Variants in EYS observed in about 807,000 individuals in gnomAD.
EYS encodes EGF-like photoreceptor maintenance factor, also known as protein eyes shut homolog.
In EYS, 250 loss-of-function variants were observed where a neutral mutation model predicts 282.1. That is an observed-to-expected ratio of 0.89 (90% CI 0.80 to 0.98). The LOEUF (loss-of-function observed/expected upper bound fraction) is 0.98, where lower values mean the gene tolerates loss of function less well. Ranked by LOEUF, EYS falls within the 50% of genes least tolerant of loss-of-function variation. The probability of loss-of-function intolerance (pLI) is 0.00; values close to 1 mark genes in which losing one functional copy is unlikely to be tolerated. For missense variants in EYS, 4,016 were observed against 3,709.0 expected (o/e 1.08, Z -2.15); for synonymous variants, 1,355 against 1,282.9 (o/e 1.06, Z -1.20).
At chr6:65,298,081 C>T (rs1768715642) in intron 11 of EYS, among the ~76,000 whole-genome samples, 1 of 152,026 alleles carries the variant, frequency 6.6e-6, no homozygotes, top group Non-Finnish European at 1.5e-5. Context: ...CCTAAATGAA[C>T]AGGATATCCT....
At chr6:63,986,200 T>A (rs1418516055) in intron 34 of EYS, among the ~76,000 whole-genome samples, 6 of 151,600 alleles carry the variant, frequency 4.0e-5, no homozygotes, top group Non-Finnish European at 8.8e-5. Context: ...ATTAGAGAAA[T>A]GCAAATCAAA....
intron 22 of EYS, among the ~76,000 whole-genome samples, chr6:64,758,711 C>A (rs1773058315): frequency 1.3e-5 from 2 of 152,178 alleles, no homozygotes; most frequent in African/African-American, 2.4e-5. Context: ...TTCATCAACA[C>A]CCAGCTAGGA....
At chr6:65,357,865 T>A (rs1473693920) in intron 8 of EYS, among the ~76,000 whole-genome samples, 1 of 151,922 alleles carries the variant, frequency 6.6e-6, no homozygotes, top group Non-Finnish European at 1.5e-5. Context: ...AAACACTATT[T>A]TTTTTCGTTT....
Position 63,721,579 on chromosome 6 carries a change from T to A in EYS, c.8452A>T (p.Asn2818Tyr). 1 of 1,551,770 alleles carries A rather than the reference T, an allele frequency of 6.4e-7. No individual in the cohort carries two copies. Among genetic ancestry groups the A allele is most frequent in the Non-Finnish European group, 8.7e-7 (1 of 1,146,860 alleles). ...ASTKMSSLDTNTDFYIGGVSS... is the reference protein window; with the variant it reads ...ASTKMSSLDTYTDFYIGGVSS... Reference sequence around the variant, plus strand: ...ACTCCTCCAATATAGAAGTCTGTATTTGTGTCCAGAGAACTCATTTTAGTG... The same window carrying A: ...ACTCCTCCAATATAGAAGTCTGTATATGTGTCCAGAGAACTCATTTTAGTG... Residue 2818 changes from asparagine to tyrosine, a missense_variant, in exon 43 of 43, where the codon AAT becomes TAT. Physicochemically the swap from Asn to Tyr is moderately radical, Grantham distance 143 (BLOSUM62 -2). Coordinates refer to ENST00000503581, the MANE Select transcript of EYS (RefSeq NM_001142800.2).
intron 1 of EYS, among the ~76,000 whole-genome samples, chr6:65,666,911 A>T (rs957138574): frequency 6.6e-6 from 1 of 150,720 alleles, no homozygotes; most frequent in African/African-American, 2.4e-5. Context: ...AAAAATACAT[A>T]AAAAATATAA....
intron 22 of EYS, among the ~76,000 whole-genome samples, chr6:64,684,645 A>G (rs1036392716): frequency 6.6e-6 from 1 of 152,166 alleles, no homozygotes; most frequent in East Asian, 1.9e-4. Flanking sequence ...ACACATATAC[A>G]CTATAACATA....
rs561593115 is a variant in EYS at position 65,056,367 on chromosome 6, A to G, written c.2137+1247T>C. 2.0e-5 allele frequency among the ~76,000 whole-genome samples: 3 copies of G among 152,190 alleles called. No homozygotes were observed. In the East Asian group the frequency reaches 5.8e-4, roughly 30 times the overall value. On this transcript the variant is annotated intron_variant, in intron 13 of 42. Coordinates refer to ENST00000503581, the MANE Select transcript of EYS (RefSeq NM_001142800.2). ...GAAAATCCAAAATCTGGGCAGTAGA[A>G]AAACAGCTATTTTTTAAATGAAGTC...
chr6:64,198,428 T>C (rs1192134931), intron 31 of EYS, among the ~76,000 whole-genome samples: 1 of 152,142 alleles, frequency 6.6e-6, no homozygotes. Flanking sequence ...CATGTAGGTC[T>C]TAAGTCCCAC....
intron 2 of EYS, among the ~76,000 whole-genome samples, chr6:65,616,528 C>T (rs542861252): frequency 1.8e-4 from 28 of 152,214 alleles, no homozygotes; most frequent in African/African-American, 6.7e-4. Context: ...TGGATCACAC[C>T]TGTAATCCTA....
intron 29 of EYS, among the ~76,000 whole-genome samples, chr6:64,357,153 G>A (rs1287576573): frequency 1.3e-5 from 2 of 151,600 alleles, no homozygotes; most frequent in Non-Finnish European, 3.0e-5. Context: ...ATTAAAATAT[G>A]TAGTGAAAAA....
At chr6:64,518,598 A>G (rs1777633832) in intron 26 of EYS, among the ~76,000 whole-genome samples, 1 of 151,714 alleles carries the variant, frequency 6.6e-6, no homozygotes, top group Non-Finnish European at 1.5e-5. Context: ...GTCGCTATTG[A>G]CCCGACGGGA....
rs540111319 is a variant in EYS, at chr6:63,774,202, C to T, written c.7898+3804G>A. ...TTTTTTTTTCAGATGGAGTTCCCCT[C>T]TTGTCATCCAGGCTGGAGTGCAGTG... On this transcript the variant is annotated intron_variant, in intron 40 of 42. Transcript: ENST00000503581. 5.3e-5 allele frequency among the ~76,000 whole-genome samples: 8 copies of T among 151,506 alleles called. 2 individuals carry two copies. The highest frequency in any genetic ancestry group is 1.7e-4 in the African/African-American group (7 of 41,274).
chr6:64,592,819 C>G (rs1766453413), intron 25 of EYS, among the ~76,000 whole-genome samples: 1 of 152,054 alleles, frequency 6.6e-6, no homozygotes, highest in African/African-American at 2.4e-5. Flanking sequence ...GCAAGTAGCA[C>G]AAGGCCCTTT....
chr6:63,788,180 A>AT lies in EYS; in HGVS notation c.7647_7648insA (p.Phe2550IlefsTer8). On this transcript the variant is annotated frameshift_variant, in exon 39 of 43. Coordinates refer to ENST00000503581, the MANE Select transcript of EYS (RefSeq NM_001142800.2). LOFTEE classifies it high-confidence loss of function. ...TATTCACTGTAGCCACCTACATAAA[A>AT]CTGACTGAAGACATTGAGACCAACC... is the stretch of plus-strand genomic sequence containing the variant. 1 of 1,548,976 alleles carries AT rather than the reference A, an allele frequency of 6.5e-7. No individual in the cohort carries two copies. Among genetic ancestry groups the AT allele is most frequent in the Non-Finnish European group, 8.7e-7 (1 of 1,145,818 alleles).
At chr6:64,374,408 G>T (rs376626362) in intron 29 of EYS, among the ~76,000 whole-genome samples, 13 of 151,966 alleles carry the variant, frequency 8.6e-5, no homozygotes, top group African/African-American at 3.1e-4. Context: ...GTAGAAGGCT[G>T]GTGGGTGTGG....
intron 19 of EYS, among the ~76,000 whole-genome samples, chr6:64,836,161 ATTAC>A (rs1181269210): frequency 2.1e-5 from 3 of 141,482 alleles, no homozygotes; most frequent in Non-Finnish European, 1.5e-5. Flanking sequence ...GTAAAAAATA[ATTAC>A]TTAAACAATT....
In EYS at chr6:64,253,328, T is replaced by G. The variant is rs563241213; in HGVS notation, c.6192-22504A>C. The stretch of plus-strand genomic sequence containing the variant: ...ATCAGAAACTCTTGAGAAATATTGT[T>G]GTAGATATCAGTGGGTTTTATGTGA... On this transcript the variant is annotated intron_variant, in intron 30 of 42. Coordinates refer to ENST00000503581, the MANE Select transcript of EYS (RefSeq NM_001142800.2). Among the ~76,000 whole-genome samples, 9 of 152,224 alleles carry G rather than the reference T, an allele frequency of 5.9e-5. No homozygotes were observed. The South Asian group carries it at 1.0e-3, about 18-fold the overall frequency.
At chr6:64,902,588 C>A in intron 16 of EYS, 88 bp from the exon 17 acceptor site, 1 of 690,442 alleles carries the variant, frequency 1.4e-6, no homozygotes. Context: ...AGAATACACT[C>A]ATAATGGAGG....
At chr6:65,641,528 C>A (rs1767274905) in intron 1 of EYS, among the ~76,000 whole-genome samples, 1 of 152,150 alleles carries the variant, frequency 6.6e-6, no homozygotes. Flanking sequence ...CCATTCTGAC[C>A]CTTACTTACC....
Sources: gnomAD v4.1 joint callset for allele counts (sites outside exome capture counted in the v4.1 genomes callset) on GRCh38, gnomAD v4.1.1 for gene constraint, MANE v1.5 for transcripts, NCBI Gene and HGNC (gene_info 2026-07-23, HGNC 2026-07-21) for gene names.